Variants in ZNF569 observed in about 807,000 individuals in gnomAD.
The protein encoded by ZNF569 is zinc finger protein 569.
Under a neutral mutation model 56.3 loss-of-function variants are expected in ZNF569, and 38 were observed. That is an observed-to-expected ratio of 0.68 (90% confidence interval 0.52 to 0.88). The LOEUF is 0.88. Ranked by LOEUF, ZNF569 falls within the 40% of genes least tolerant of loss-of-function variation. The pLI is 0.00. For missense variants in ZNF569, 666 were observed against 809.2 expected, an observed-to-expected ratio of 0.82 and a Z score of 2.15; for synonymous variants, 241 against 262.9, an observed-to-expected ratio of 0.92 and a Z score of 0.81.
chr19:37,467,483 T>TC (rs3842420), upstream of ZNF569: 52,137 of 213,072 alleles, frequency 0.24, 8,255 homozygotes, highest in African/African-American at 0.47. Flanking sequence ...CGGCCCTACT[T>TC]CCCCGACCCC....
chr19:37,463,357 T>G (rs2041783818), intron 2 of ZNF569, among the ~76,000 whole-genome samples: 1 of 152,200 alleles, frequency 6.6e-6, no homozygotes, highest in South Asian at 2.1e-4. Flanking sequence ...CATAACATCG[T>G]AACACAATGC....
chr19:37,412,723 T>C lies in ZNF569; in HGVS notation c.1935A>G (p.Gln645=). The C allele has an allele frequency of 1.2e-6, 2 of 1,613,988 alleles. No homozygotes were observed. Among genetic ancestry groups the C allele is most frequent in the African/African-American group, 1.3e-5 (1 of 75,022 alleles). ...TCATATGAAGGGTAAGAGATGAGAT[T>C]TGAGAGAAGGCTTTTCCACATTTAC... ...DCSKCGKAFS[Q]ISSLTLHMRK... The change falls in exon 6 of 6, where the codon CAA becomes CAG. Residue 645 remains glutamine (Q), a synonymous_variant. Transcript: ENST00000316950.
At chr19:37,417,502 G>T (rs1159256381) in intron 5 of ZNF569, among the ~76,000 whole-genome samples, 2 of 151,076 alleles carry the variant, frequency 1.3e-5, no homozygotes, top group Non-Finnish European at 2.9e-5. Flanking sequence ...ACCCGCCTCG[G>T]CCTCTCAAAG....
chr19:37,467,419 A>T lies in ZNF569; in HGVS notation c.-540T>A, dbSNP rs901632317. 1.2e-5 allele frequency: 2 copies of T among 167,810 alleles called. No individual in the cohort carries two copies. Among genetic ancestry groups the T allele is most frequent in the African/African-American group, 4.8e-5 (2 of 41,796 alleles). 10.4% of individuals were successfully genotyped at this position (167,810 alleles called of 1,614,324 possible). ...GGGAGCGCAACTTGGTGCTGAGAAG[A>T]ATCGAATCGTTCCGCTGCTTCCTGC... On this transcript the variant is annotated 5_prime_UTR_variant, in exon 1 of 6. Coordinates refer to ENST00000316950, the MANE Select transcript of ZNF569 (RefSeq NM_152484.3).
At chr19:37,431,384 C>A (rs898554207) in intron 3 of ZNF569, among the ~76,000 whole-genome samples, 3 of 152,160 alleles carry the variant, frequency 2.0e-5, no homozygotes, top group Admixed American at 6.5e-5. Context: ...GGGCACCAGG[C>A]AGAGGCCCCC....
At chr19:37,466,923 T>C in intron 1 of ZNF569, 161 bp downstream of exon 1, 1 of 152,458 alleles carries the variant, frequency 6.6e-6, no homozygotes, top group Non-Finnish European at 1.5e-5. Flanking sequence ...ACTCTCACAG[T>C]CCTTCACACG....
chr19:37,461,128 C>T (rs143390781), intron 2 of ZNF569, among the ~76,000 whole-genome samples: 36 of 152,088 alleles, frequency 2.4e-4, no homozygotes, highest in African/African-American at 6.5e-4. Flanking sequence ...AAAGAGTTGA[C>T]GAGGAAAATT....
At chr19:37,432,734 GA>G (rs2041245796) in intron 3 of ZNF569, among the ~76,000 whole-genome samples, 1 of 152,130 alleles carries the variant, frequency 6.6e-6, no homozygotes, top group South Asian at 2.1e-4. Flanking sequence ...TTCAGATAGA[GA>G]ATTCAGAATA....
At chr19:37,449,009 A>G (rs2041548155) in intron 2 of ZNF569, among the ~76,000 whole-genome samples, 1 of 152,076 alleles carries the variant, frequency 6.6e-6, no homozygotes, top group Non-Finnish European at 1.5e-5. Context: ...TGCTTCCCAC[A>G]TATTTTGGTG....
At position 37,446,252 on chromosome 19, in the gene ZNF569, A is replaced by T. The variant is rs1239114927; in HGVS notation, c.-43-1288T>A. Among the ~76,000 whole-genome samples the T allele has an allele frequency of 2.6e-5, 4 of 152,306 alleles. No homozygotes were observed. In the East Asian group the frequency reaches 7.7e-4, roughly 29 times the overall value. On this transcript the variant is annotated intron_variant, in intron 2 of 5. Coordinates refer to ENST00000316950, the MANE Select transcript of ZNF569 (RefSeq NM_152484.3). ...CTGGGATAATTGGCAAGCCATATGT[A>T]GAAGAATGAAACTGGGGCCAGGTGT...
chr19:37,437,720 T>C (rs769231305), intron 3 of ZNF569, among the ~76,000 whole-genome samples: 7 of 152,084 alleles, frequency 4.6e-5, no homozygotes, highest in African/African-American at 7.2e-5. Flanking sequence ...AAGAAATTAA[T>C]ATTTTCAGTA....
chr19:37,437,129 C>T, intron 3 of ZNF569, among the ~76,000 whole-genome samples: 1 of 151,554 alleles, frequency 6.6e-6, no homozygotes, highest in East Asian at 1.9e-4. Context: ...AAAGACAATA[C>T]ATCATGACCA....
In ZNF569 at chr19:37,425,939, A is replaced by G; in HGVS notation, c.167T>C (p.Val56Ala). The change falls in exon 5 of 6, where the codon GTG becomes GCG. Residue 56 changes from valine (V) to alanine (A), a missense_variant. Coordinates refer to ENST00000316950, the MANE Select transcript of ZNF569 (RefSeq NM_152484.3). ...TVGYPFTKPD[V>A]IFKLEQEEEP... is the part of the protein sequence containing the mutation. ...TTCTTCTTGCTCCAATTTGAAAATC[A>G]CATCAGGTTTGGTGAACGGATAGCC... 1 of 1,613,956 alleles carries G rather than the reference A, an allele frequency of 6.2e-7. No homozygotes were observed. Among genetic ancestry groups the G allele is most frequent in the Non-Finnish European group, 8.5e-7 (1 of 1,179,962 alleles).
At chr19:37,426,546 TA>T (rs1211711705) in intron 3 of ZNF569, among the ~76,000 whole-genome samples, 168 bp from the exon 4 acceptor site, 1 of 152,256 alleles carries the variant, frequency 6.6e-6, no homozygotes, top group African/African-American at 2.4e-5. Context: ...CACATGTCTT[TA>T]ATATCTACCA....
At chr19:37,440,603 T>C (rs1716229250) in intron 3 of ZNF569, among the ~76,000 whole-genome samples, 2 of 151,846 alleles carry the variant, frequency 1.3e-5, no homozygotes, top group African/African-American at 2.4e-5. Context: ...TAAGGTGAAA[T>C]AAGTAAAAAC....
intron 5 of ZNF569, 53 bp downstream of exon 5, chr19:37,425,815 A>AATCAGTGAATGGTTG: frequency 5.9e-6 from 8 of 1,345,452 alleles, no homozygotes; most frequent in South Asian, 1.2e-5. Flanking sequence ...TTCACTGATT[A>AATCAGTGAATGGTTG]ATCATTAATA....
intron 2 of ZNF569, among the ~76,000 whole-genome samples, chr19:37,455,549 C>T (rs1209126729): frequency 6.6e-6 from 1 of 152,138 alleles, no homozygotes; most frequent in Non-Finnish European, 1.5e-5. Flanking sequence ...CTTGAATCCA[C>T]GTTTTGCCAA....
chr19:37,445,028 A>G, intron 2 of ZNF569, 64 bp from the exon 3 acceptor site: 1 of 1,318,144 alleles, frequency 7.6e-7, no homozygotes, highest in Admixed American at 2.3e-5. Flanking sequence ...ATGCACACAC[A>G]GGGTGGATTA....
chr19:37,426,784 T>C (rs1010800036), intron 3 of ZNF569, among the ~76,000 whole-genome samples: 1 of 152,200 alleles, frequency 6.6e-6, no homozygotes, highest in African/African-American at 2.4e-5. Context: ...AGCAGTTGGA[T>C]GTATTGTTCA....
Sources: gnomAD v4.1 joint callset for allele counts (sites outside exome capture counted in the v4.1 genomes callset) on GRCh38, gnomAD v4.1.1 for gene constraint, MANE v1.5 for transcripts, NCBI Gene and HGNC (gene_info 2026-07-23, HGNC 2026-07-21) for gene names.